The following SUMO3 variants were observed in gnomAD, a reference collection of about 807,000 sequenced individuals.
The protein encoded by SUMO3 is small ubiquitin like modifier 3.
SUMO3 carries 2 observed loss-of-function variants against 11.1 expected under a neutral mutation model. That is an observed-to-expected ratio of 0.18 (90% CI 0.07 to 0.57). SUMO3 has a LOEUF of 0.57. SUMO3 is among the 20% of genes least tolerant of loss of function. The pLI is 0.92. For missense variants in SUMO3, 70 were observed against 132.8 expected (o/e 0.53, Z 2.32); for synonymous variants, 56 against 53.5 (o/e 1.05, Z -0.20).
intron 2 of SUMO3, among the ~76,000 whole-genome samples, chr21:44,812,498 A>C (rs905930860): frequency 1.3e-5 from 2 of 152,238 alleles, no homozygotes; most frequent in Non-Finnish European, 2.9e-5. Context: ...GAAGGTTTAT[A>C]AAAGCAAAAG....
intron 1 of SUMO3, among the ~76,000 whole-genome samples, chr21:44,817,356 A>G (rs235337): frequency 0.75 from 113,484 of 151,574 alleles, 42,609 homozygotes; most frequent in East Asian, 0.81. Context: ...TGGCCGGGAC[A>G]CGATGCGGAG....
chr21:44,817,360 T>C (rs1302320820), intron 1 of SUMO3, among the ~76,000 whole-genome samples: 2 of 151,336 alleles, frequency 1.3e-5, no homozygotes, highest in Non-Finnish European at 3.0e-5. Flanking sequence ...CGGGACACGA[T>C]GCGGAGAAGT....
At chr21:44,814,128 C>A in intron 1 of SUMO3, 24 bp from the exon 2 acceptor site, 1 of 1,598,840 alleles carries the variant, frequency 6.3e-7, no homozygotes, top group South Asian at 1.1e-5. Flanking sequence ...CAGAGACTGG[C>A]CTCAAAACTG....
At chr21:44,815,547 T>C (rs1278927979) in intron 1 of SUMO3, among the ~76,000 whole-genome samples, 1 of 152,026 alleles carries the variant, frequency 6.6e-6, no homozygotes, top group East Asian at 1.9e-4. Context: ...ACAACTGGCC[T>C]AGGAAGGAAG....
chr21:44,811,380 C>G lies in SUMO3; in HGVS notation c.151-2262G>C, dbSNP rs1203841600. On this transcript the variant is annotated intron_variant, in intron 2 of 3. Transcript: ENST00000332859. The surrounding 1 kb of genome is among the most constrained non-coding windows in gnomAD (Gnocchi z 5.0). ...CTTAAGCCCAGGAATTCCAGACCAGCCTGGACCACATAAGGAGACCCCATC... is the reference window on the plus strand; with the variant it reads ...CTTAAGCCCAGGAATTCCAGACCAGGCTGGACCACATAAGGAGACCCCATC... 6.6e-6 allele frequency among the ~76,000 whole-genome samples: 1 copy of G among 152,076 alleles called. No individual in the cohort carries two copies. The highest frequency in any genetic ancestry group is 1.5e-5 in the Non-Finnish European group (1 of 68,008).
At position 44,815,411 on chromosome 21, in the gene SUMO3, C is replaced by T. The variant is rs114258888; in HGVS notation, c.22-1307G>A. ...TGCGTGTCCTGGGGCGGCACTCACC[C>T]CCCGACTCCAGTCTTGGGCCAGACA... On this transcript the variant is annotated intron_variant, in intron 1 of 3. Transcript: ENST00000332859. Among the ~76,000 whole-genome samples, 1,141 of 152,262 alleles carry T rather than the reference C, an allele frequency of 7.5e-3. 13 individuals are homozygous for T. The highest frequency in any genetic ancestry group is 0.025 in the African/African-American group (1,041 of 41,534).
chr21:44,808,568 C>A, intron 3 of SUMO3: 1 of 1,385,470 alleles, frequency 7.2e-7, no homozygotes, highest in Non-Finnish European at 9.4e-7. Context: ...AGTATGATGC[C>A]CTGCAACGTG....
At chr21:44,817,741 G>C (rs1228694758) in intron 1 of SUMO3, among the ~76,000 whole-genome samples, 2 of 150,184 alleles carry the variant, frequency 1.3e-5, no homozygotes, top group African/African-American at 2.5e-5. Context: ...AGGCCCGGAG[G>C]GGGCGGAGCT....
chr21:44,817,016 G>A (rs2083248644), intron 1 of SUMO3, among the ~76,000 whole-genome samples: 1 of 136,322 alleles, frequency 7.3e-6, no homozygotes, highest in African/African-American at 2.8e-5. Flanking sequence ...ACTGGGGGAC[G>A]CGACGGGGAG....
At chr21:44,808,517 A>C (rs1455470970) in intron 3 of SUMO3, 2 of 1,433,542 alleles carry the variant, frequency 1.4e-6, no homozygotes, top group Non-Finnish European at 1.8e-6. Context: ...TCCGTCTCAA[A>C]AAAAAAAGTC....
chr21:44,817,991 G>GGCGGCGCGGGGGAAGCAGC lies in SUMO3; in HGVS notation c.-42_-24dup, dbSNP rs2083259734. Reference sequence around the variant, plus strand: ...CATGGCTGCGCGAGCGGCGCGGGGAGGCGGCGCGGGGGAAGCAGCGCGGAG... The same window carrying GGCGGCGCGGGGGAAGCAGC: ...CATGGCTGCGCGAGCGGCGCGGGGAGGCGGCGCGGGGGAAGCAGCGCGGCGCGGGGGAAGCAGCGCGGAG... On this transcript the variant is annotated 5_prime_UTR_variant, in exon 1 of 4. Coordinates refer to ENST00000332859, the MANE Select transcript of SUMO3 (RefSeq NM_006936.3). 1.7e-6 allele frequency: 2 copies of GGCGGCGCGGGGGAAGCAGC among 1,166,334 alleles called. No homozygotes were observed. The highest frequency in any genetic ancestry group is 2.1e-6 in the Non-Finnish European group (2 of 949,256). 72.2% of individuals were successfully genotyped at this position (1,166,334 alleles called of 1,614,324 possible). A position where few individuals can be genotyped will look rare whatever the true frequency, so the allele number is the denominator to read the frequency against.
chr21:44,812,053 C>CCT (rs755885948), intron 2 of SUMO3, among the ~76,000 whole-genome samples: 6 of 80,994 alleles, frequency 7.4e-5, no homozygotes, highest in African/African-American at 1.4e-4. Flanking sequence ...AACTTCTCAC[C>CCT]TTTTTTTTTT....
chr21:44,813,759 A>G, intron 2 of SUMO3: 1 of 1,438,172 alleles, frequency 7.0e-7, no homozygotes, highest in Non-Finnish European at 9.2e-7. Context: ...CACTTCTCCG[A>G]GCCTCTAGGT....
chr21:44,808,536 G>A (rs1321004087), intron 3 of SUMO3: 2 of 1,411,616 alleles, frequency 1.4e-6, no homozygotes, highest in African/African-American at 1.5e-5. Context: ...TCTGTTTCCA[G>A]GTCCAAAGCT....
chr21:44,808,458 T>C, intron 3 of SUMO3: 24 of 1,413,292 alleles, frequency 1.7e-5, no homozygotes, highest in Non-Finnish European at 2.2e-5. Context: ...GCTTGCACAG[T>C]GAGCTGAGAC....
chr21:44,817,873 G>A lies in SUMO3; in HGVS notation c.21+75C>T, dbSNP rs368758616. 5,137 of 710,576 alleles carry A rather than the reference G, an allele frequency of 7.2e-3. 246 individuals carry two copies. The highest frequency in any genetic ancestry group is 0.024 in the Admixed American group (416 of 17,304). 44.0% of individuals were successfully genotyped at this position (710,576 alleles called of 1,614,324 possible). On this transcript the variant is annotated intron_variant, in intron 1 of 3. Transcript: ENST00000332859. ...CAGGGGCGGGACGCGGGGCGGAGTC[G>A]GGGTGGGGGCGGAGCCGGGCTGGGG...
chr21:44,815,070 C>T (rs927921073), intron 1 of SUMO3, among the ~76,000 whole-genome samples: 6 of 152,312 alleles, frequency 3.9e-5, no homozygotes, highest in African/African-American at 1.4e-4. Flanking sequence ...AAAGTCAAGT[C>T]TGGGGCGTCC....
At chr21:44,817,858 A>G (rs1347351111) in intron 1 of SUMO3, 90 bp downstream of exon 1, 5 of 398 alleles carry the variant, frequency 0.013, no homozygotes, top group Non-Finnish European at 0.018. Context: ...CAGGGGCGGG[A>G]CGCGGGGCGG....
intron 2 of SUMO3, among the ~76,000 whole-genome samples, chr21:44,809,491 G>C (rs1352462805): frequency 6.6e-6 from 1 of 152,204 alleles, no homozygotes; most frequent in African/African-American, 2.4e-5. Context: ...ACCAGTGGCA[G>C]TTCAGTTTCA....
Sources: gnomAD v4.1 joint callset for allele counts (sites outside exome capture counted in the v4.1 genomes callset) on GRCh38, gnomAD v4.1.1 for gene constraint, Gnocchi (gnomAD v3.1) non-coding constraint, MANE v1.5 for transcripts, NCBI Gene and HGNC (gene_info 2026-07-23, HGNC 2026-07-21) for gene names.